TMED3: variants seen among roughly 807,000 people sequenced by gnomAD.
The protein encoded by TMED3 is transmembrane emp24 domain-containing protein 3.
In TMED3, 9 loss-of-function variants were observed where a neutral mutation model predicts 15.0. The observed-to-expected ratio is 0.60, with a 90% CI of 0.36 to 1.04. The LOEUF is 1.04. Ranked by LOEUF, TMED3 falls within the 50% of genes least tolerant of loss-of-function variation. The pLI, the probability that TMED3 is intolerant of heterozygous loss-of-function variation, is 0.01. For synonymous variants in TMED3, 117 were observed against 121.4 expected (o/e 0.96, Z 0.24); for missense variants, 267 against 278.9 (o/e 0.96, Z 0.30).
At chr15:79,338,866 A>C (rs543094166) in intron 2 of TMED3, among the ~76,000 whole-genome samples, 1 of 152,104 alleles carries the variant, frequency 6.6e-6, no homozygotes. Context: ...GCGGTAGCGT[A>C]AGTGTCAAGG....
intron 2 of TMED3, among the ~76,000 whole-genome samples, chr15:79,410,232 T>TA (rs1893956191): frequency 6.6e-6 from 1 of 152,232 alleles, no homozygotes; most frequent in Non-Finnish European, 1.5e-5. Flanking sequence ...GCCTCATGGT[T>TA]AAATAAACAA....
intron 2 of TMED3, among the ~76,000 whole-genome samples, chr15:79,359,892 G>A (rs1037125991): frequency 1.3e-5 from 2 of 152,154 alleles, no homozygotes; most frequent in Non-Finnish European, 2.9e-5. Flanking sequence ...CACAGAACAG[G>A]TCTTGCTCTT....
At chr15:79,380,329 G>A (rs374084899) in intron 2 of TMED3, among the ~76,000 whole-genome samples, 174 of 151,200 alleles carry the variant, frequency 1.2e-3, no homozygotes, top group Non-Finnish European at 2.2e-3. Flanking sequence ...CAGCCTGGGC[G>A]ACAGAGCGAG....
chr15:79,352,664 G>GGA (rs1651128942), intron 2 of TMED3, among the ~76,000 whole-genome samples: 1 of 122,672 alleles, frequency 8.2e-6, no homozygotes, highest in Non-Finnish European at 1.6e-5. Flanking sequence ...CATTAACTAA[G>GGA]AAAAAAAAAA....
intron 2 of TMED3, among the ~76,000 whole-genome samples, chr15:79,386,579 G>T (rs1893628590): frequency 6.6e-6 from 1 of 151,986 alleles, no homozygotes; most frequent in South Asian, 2.1e-4. Context: ...TCTCACTGTT[G>T]CCCAGGCTGG....
downstream of TMED3, among the ~76,000 whole-genome samples, chr15:79,324,234 G>T (rs75984402): frequency 0.12 from 17,654 of 152,134 alleles, 1,617 homozygotes; most frequent in East Asian, 0.54. Context: ...CTCGTGATCC[G>T]CCCGCCTCGG....
chr15:79,345,417 G>A (rs1370396251), intron 2 of TMED3, among the ~76,000 whole-genome samples: 1 of 152,124 alleles, frequency 6.6e-6, no homozygotes, highest in African/African-American at 2.4e-5. Context: ...TTCTGTTTCT[G>A]CATTAGTTTG....
At chr15:79,323,120 T>C (rs186903096), downstream of TMED3, among the ~76,000 whole-genome samples, 16 of 152,334 alleles carry the variant, frequency 1.1e-4, no homozygotes, top group East Asian at 2.9e-3. Context: ...CATGCCCTGC[T>C]CCATCATTTC....
At chr15:79,325,216 C>T (rs891974087), downstream of TMED3, among the ~76,000 whole-genome samples, 2 of 152,158 alleles carry the variant, frequency 1.3e-5, no homozygotes, top group African/African-American at 4.8e-5. Flanking sequence ...TTTTAAGAGA[C>T]AGTAGAGCTT....
downstream of TMED3, among the ~76,000 whole-genome samples, chr15:79,323,835 TATCCATAAA>T (rs1326480438): frequency 6.6e-6 from 1 of 152,270 alleles, no homozygotes; most frequent in African/African-American, 2.4e-5. Flanking sequence ...TGTAATCATT[TATCCATAAA>T]TATGTAGATT....
chr15:79,411,292 G>T (rs762080691), intron 2 of TMED3: 1 of 624,402 alleles, frequency 1.6e-6, no homozygotes, highest in African/African-American at 1.8e-5. Flanking sequence ...CCACAAAGGG[G>T]CTAGGCAATC....
At chr15:79,346,538 A>G (rs2058872176) in intron 2 of TMED3, among the ~76,000 whole-genome samples, 1 of 152,178 alleles carries the variant, frequency 6.6e-6, no homozygotes, top group Non-Finnish European at 1.5e-5. Flanking sequence ...AGGCCTCCTG[A>G]GCCATGGGAA....
chr15:79,313,471 G>T (rs1400134991), intron 1 of TMED3, among the ~76,000 whole-genome samples: 1 of 152,168 alleles, frequency 6.6e-6, no homozygotes, highest in African/African-American at 2.4e-5. Flanking sequence ...TTCTTCTTCT[G>T]TAAAATGGAA....
Position 79,354,623 on chromosome 15 carries a change from C to CAA in TMED3, c.417+40632_417+40633dup, listed in dbSNP as rs60577285. Among the ~76,000 whole-genome samples, 385 of 120,942 alleles carry CAA rather than the reference C, an allele frequency of 3.2e-3. 1 individual carries two copies. Among genetic ancestry groups the CAA allele is most frequent in the African/African-American group, 0.011 (365 of 34,212 alleles). The allele number at this position is 120,942 out of a possible 152,430, so 79.3% of individuals were successfully genotyped here. A position where few individuals can be genotyped will look rare whatever the true frequency, so the allele number is the denominator to read the frequency against. On this transcript the variant is annotated intron_variant, in intron 2 of 2. Coordinates refer to the TMED3 transcript ENST00000424155. ...AAAACACTCCAATGAATAGAAGAGG[C>CAA]AAAAAAAAAAAAAAAGAAAAATTCA... is the stretch of plus-strand genomic sequence containing the variant.
chr15:79,411,363 C>T (rs1337785431), intron 2 of TMED3: 2 of 701,152 alleles, frequency 2.9e-6, no homozygotes, highest in East Asian at 2.7e-5. Context: ...TTCCACATTT[C>T]ATCCTTTAAA....
intron 2 of TMED3, among the ~76,000 whole-genome samples, chr15:79,340,468 C>T (rs77177274): frequency 0.012 from 1,792 of 152,300 alleles, 37 homozygotes; most frequent in African/African-American, 0.04. Flanking sequence ...AGAATCACCC[C>T]GCTAAATCTC....
chr15:79,412,124 A>C (rs535514178), exon 3 of TMED3: 1 of 150,456 alleles, frequency 6.6e-6, no homozygotes, highest in African/African-American at 2.4e-5. Context: ...TACCCAAAGC[A>C]GAAAGCTCCA....
intron 2 of TMED3, among the ~76,000 whole-genome samples, chr15:79,361,693 T>C (rs1893129528): frequency 6.8e-6 from 1 of 146,084 alleles, no homozygotes; most frequent in Non-Finnish European, 1.5e-5. Context: ...TGTTCCCCAA[T>C]AACTTATGGA....
chr15:79,392,261 C>A (rs553272281), intron 2 of TMED3, among the ~76,000 whole-genome samples: 1 of 152,218 alleles, frequency 6.6e-6, no homozygotes, highest in African/African-American at 2.4e-5. Context: ...GTTTCAAGAC[C>A]TAGAGCTCCT....
Sources: gnomAD v4.1 joint callset for allele counts (sites outside exome capture counted in the v4.1 genomes callset) on GRCh38, gnomAD v4.1.1 for gene constraint, MANE v1.5 for transcripts, NCBI Gene and HGNC (gene_info 2026-07-23, HGNC 2026-07-21) for gene names.